GRAMD1B: variants seen among roughly 807,000 people sequenced by gnomAD.
The protein encoded by GRAMD1B is protein Aster-B.
GRAMD1B carries 37 observed loss-of-function variants against 99.7 expected under a neutral mutation model. The observed-to-expected ratio is 0.37, with a 90% CI of 0.29 to 0.49. The LOEUF is 0.49. Among genes scored for constraint, GRAMD1B ranks in the 20% least tolerant of loss-of-function variants. The probability of loss-of-function intolerance (pLI) is 0.98; values close to 1 mark genes in which losing one functional copy is unlikely to be tolerated. For missense variants in GRAMD1B, 888 were observed against 1,009.2 expected (o/e 0.88, Z 1.63); for synonymous variants, 427 against 387.6 (o/e 1.10, Z -1.19).
intron 1 of GRAMD1B, among the ~76,000 whole-genome samples, chr11:123,377,100 TA>T (rs1946715304): frequency 2.0e-5 from 3 of 152,198 alleles, no homozygotes; most frequent in African/African-American, 7.2e-5. Context: ...TTTGACAAAT[TA>T]CACCTCCCTT....
At chr11:123,571,242 G>T (rs150427218) in intron 2 of GRAMD1B, among the ~76,000 whole-genome samples, 1 of 152,224 alleles carries the variant, frequency 6.6e-6, no homozygotes, top group Non-Finnish European at 1.5e-5. Flanking sequence ...CAGGGAGCTG[G>T]CTTGCTGACA....
rs371381584 is a variant in GRAMD1B, at chr11:123,410,914, G to C, written c.-176+52115G>C. ...CTCTCCATCTTCATGCCTACCTAATGGTTTGAGAAAATGGATGAAACCCCC... is the reference window on the plus strand; with the variant it reads ...CTCTCCATCTTCATGCCTACCTAATCGTTTGAGAAAATGGATGAAACCCCC... On this transcript the variant is annotated intron_variant, in intron 1 of 20. Coordinates refer to the GRAMD1B transcript ENST00000638157. Among the ~76,000 whole-genome samples the C allele has an allele frequency of 2.4e-4, 36 of 152,072 alleles. No individual in the cohort carries two copies. The South Asian group carries it at 6.4e-3, about 27-fold the overall frequency.
intron 1 of GRAMD1B, among the ~76,000 whole-genome samples, chr11:123,392,800 C>T (rs563337835): frequency 2.1e-3 from 319 of 152,262 alleles, no homozygotes; most frequent in African/African-American, 7.1e-3. Context: ...TACTTTTATA[C>T]TCCTAGAGAT....
Position 123,604,108 on chromosome 11 carries a change from G to C in GRAMD1B, c.1166+567G>C, listed in dbSNP as rs1219138794. Among the ~76,000 whole-genome samples, 4 of 152,328 alleles carry C rather than the reference G, an allele frequency of 2.6e-5. No homozygotes were observed. In the East Asian group the frequency reaches 7.7e-4, roughly 29 times the overall value. ...AGGTTTCAGGGGAAAGATCAGGAGG[G>C]TAGTTTTAGGCAAGTTGAAATTGAG... On this transcript the variant is annotated intron_variant, in intron 9 of 19. Transcript: ENST00000635736.
chr11:123,360,168 C>G (rs1283964238), intron 1 of GRAMD1B, among the ~76,000 whole-genome samples: 2 of 152,200 alleles, frequency 1.3e-5, no homozygotes, highest in Non-Finnish European at 2.9e-5. Context: ...ATCTCTCTCT[C>G]TTCTCTCTTT....
At chr11:123,621,932 C>CT (rs1358115010) in intron 19 of GRAMD1B, among the ~76,000 whole-genome samples, 19 of 148,590 alleles carry the variant, frequency 1.3e-4, no homozygotes, top group South Asian at 4.3e-4. Flanking sequence ...TCCTTCCTTC[C>CT]TTCCTTTCTC....
chr11:123,425,466 C>A (rs1272118076), upstream of GRAMD1B, among the ~76,000 whole-genome samples: 2 of 152,264 alleles, frequency 1.3e-5, no homozygotes, highest in East Asian at 3.9e-4. Flanking sequence ...ACAAGGGCAG[C>A]CAAATATTGT....
chr11:123,615,394 G>T (rs1954219052), intron 17 of GRAMD1B, among the ~76,000 whole-genome samples: 1 of 152,230 alleles, frequency 6.6e-6, no homozygotes, highest in African/African-American at 2.4e-5. Flanking sequence ...TGCATAGAAA[G>T]ATGCTATGCT....
At chr11:123,521,364 G>A (rs759596467) in intron 2 of GRAMD1B, among the ~76,000 whole-genome samples, 1 of 152,090 alleles carries the variant, frequency 6.6e-6, no homozygotes, top group Non-Finnish European at 1.5e-5. Flanking sequence ...TAAATCGTTT[G>A]TCTATTTTTA....
At chr11:123,452,296 ACATT>A (rs1949922785) in intron 1 of GRAMD1B, among the ~76,000 whole-genome samples, 1 of 152,256 alleles carries the variant, frequency 6.6e-6, no homozygotes. Flanking sequence ...AGTAACTGTT[ACATT>A]TGGTAATCCT....
At chr11:123,502,415 C>T (rs1158353579) in intron 2 of GRAMD1B, among the ~76,000 whole-genome samples, 3 of 152,210 alleles carry the variant, frequency 2.0e-5, no homozygotes, top group East Asian at 3.8e-4. Context: ...CCTGCTGACC[C>T]CTTGCCCATT....
intron 2 of GRAMD1B, among the ~76,000 whole-genome samples, chr11:123,489,035 G>A (rs1161904860): frequency 1.3e-5 from 2 of 152,142 alleles, no homozygotes; most frequent in East Asian, 3.9e-4. Flanking sequence ...GGGCATGGAA[G>A]TGGGGCAGAT....
At chr11:123,551,197 C>T (rs938803988) in intron 2 of GRAMD1B, among the ~76,000 whole-genome samples, 7 of 152,192 alleles carry the variant, frequency 4.6e-5, no homozygotes, top group African/African-American at 1.7e-4. Flanking sequence ...TTTGTATCCT[C>T]TCCTGGACTA....
intron 2 of GRAMD1B, among the ~76,000 whole-genome samples, chr11:123,534,538 C>G (rs748424404): frequency 2.0e-5 from 3 of 152,018 alleles, no homozygotes; most frequent in Non-Finnish European, 2.9e-5. Context: ...GTGGGTTGAT[C>G]CTTGGAGAAT....
At chr11:123,602,901 T>C (rs750315290) in intron 8 of GRAMD1B, among the ~76,000 whole-genome samples, 6 of 152,192 alleles carry the variant, frequency 3.9e-5, no homozygotes, top group Non-Finnish European at 7.3e-5. Flanking sequence ...TGTCCAGCTA[T>C]GGAATGGGCC....
intron 2 of GRAMD1B, chr11:123,560,335 CT>C: frequency 2.6e-6 from 3 of 1,155,732 alleles, no homozygotes; most frequent in Non-Finnish European, 3.2e-6. Flanking sequence ...GAGAGAGGGA[CT>C]TCTGTAAGGC....
chr11:123,595,591 C>T (rs1009825401), intron 6 of GRAMD1B, among the ~76,000 whole-genome samples: 1 of 152,098 alleles, frequency 6.6e-6, no homozygotes, highest in Non-Finnish European at 1.5e-5. Flanking sequence ...CTGTGCCCAG[C>T]CTAACTAGAT....
chr11:123,593,326 G>A (rs754587074), intron 4 of GRAMD1B, among the ~76,000 whole-genome samples: 24 of 152,188 alleles, frequency 1.6e-4, no homozygotes, highest in Non-Finnish European at 3.1e-4. Context: ...GATTTCCAAG[G>A]AGGATTTGCT....
intron 6 of GRAMD1B, among the ~76,000 whole-genome samples, chr11:123,595,609 A>G (rs1376809106): frequency 1.3e-5 from 2 of 152,158 alleles, no homozygotes; most frequent in African/African-American, 4.8e-5. Context: ...GATGATTTAT[A>G]TGGCCACATC....
Sources: allele counts gnomAD v4.1 joint callset (sites outside exome capture counted in the v4.1 genomes callset), GRCh38; gene constraint gnomAD v4.1.1; transcripts MANE v1.5; gene names NCBI Gene and HGNC (gene_info 2026-07-23, HGNC 2026-07-21).